The following PZP variants were observed in gnomAD, a reference collection of about 807,000 sequenced individuals.
PZP encodes the protein pregnancy zone protein.
Under a neutral mutation model 179.8 loss-of-function variants are expected in PZP, and 150 were observed. The observed-to-expected ratio is 0.83, with a 90% CI of 0.73 to 0.96. The LOEUF (loss-of-function observed/expected upper bound fraction) is 0.96. Ranked by LOEUF, PZP falls within the 40% of genes least tolerant of loss-of-function variation. The probability of loss-of-function intolerance (pLI) is 0.00; values close to 1 mark genes in which losing one functional copy is unlikely to be tolerated. For missense variants in PZP, 1,689 were observed against 1,764.0 expected (o/e 0.96, Z 0.76); for synonymous variants, 624 against 652.3 (o/e 0.96, Z 0.66).
chr12:9,139,583 T>C, the PZP span, among the ~76,000 whole-genome samples: 1 of 152,230 alleles, frequency 6.6e-6, no homozygotes, highest in Non-Finnish European at 1.5e-5. Flanking sequence ...GTTTTTCCAA[T>C]GTTTGCTTTA....
intron 24 of PZP, 73 bp from the exon 25 acceptor site, chr12:9,160,098 C>T (rs1013950558): frequency 4.3e-5 from 60 of 1,384,816 alleles, no homozygotes; most frequent in Admixed American, 1.8e-4. Flanking sequence ...TAGGCTCATG[C>T]ATCCAGGCGC....
intron 2 of PZP, 41 bp downstream of exon 2, chr12:9,203,727 T>G (rs764107279): frequency 9.3e-6 from 15 of 1,606,358 alleles, no homozygotes; most frequent in Admixed American, 8.4e-5. Flanking sequence ...CTCAATAAAA[T>G]GTATCAAGCA....
rs200071571 is a variant in PZP, at chr12:9,150,764, A to G, written c.4282-18T>C. The G allele has an allele frequency of 2.0e-6, 3 of 1,529,198 alleles. No individual in the cohort carries two copies. In the African/African-American group the frequency reaches 4.1e-5, roughly 21 times the overall value. The allele number at this position is 1,529,198 out of a possible 1,614,324, so 94.7% of individuals were successfully genotyped here. ...TTTGTCACCTGAAAGGAAAAGTGGG[A>G]GTAATCAAGAACCTAGAAAACCTCC... is the stretch of plus-strand genomic sequence containing the variant. On this transcript the variant is annotated intron_variant, in intron 33 of 35. Coordinates refer to ENST00000261336, the MANE Select transcript of PZP (RefSeq NM_002864.3).
intron 11 of PZP, 125 bp downstream of exon 11, chr12:9,193,952 T>G: frequency 1.0e-6 from 1 of 964,180 alleles, no homozygotes; most frequent in Non-Finnish European, 1.5e-6. Flanking sequence ...ATCCTCAAAT[T>G]TGTAAACTCA....
downstream of PZP, among the ~76,000 whole-genome samples, chr12:9,147,943 AT>A (rs1416648473): frequency 6.6e-6 from 1 of 151,746 alleles, no homozygotes; most frequent in African/African-American, 2.4e-5. Context: ...CCCACACTAC[AT>A]TTATCCCTGT....
chr12:9,160,085 G>C (rs895451714), intron 24 of PZP, 60 bp from the exon 25 acceptor site: 7 of 1,487,424 alleles, frequency 4.7e-6, no homozygotes, highest in Non-Finnish European at 6.5e-6. Context: ...CCATCCATAT[G>C]TTTAGGCTCA....
At position 9,148,998 on chromosome 12, in the gene PZP, T is replaced by C. The variant is rs1940158598; in HGVS notation, c.4427-4A>G. On this transcript the variant is annotated splice_region_variant and splice_polypyrimidine_tract_variant and intron_variant, in intron 35 of 35. Coordinates refer to ENST00000261336, the MANE Select transcript of PZP (RefSeq NM_002864.3). ...CAAACATTTCCATGCTCTGTATCTA[T>C]GGAGAAAAGAAAAACGTAAGGAGGT... 1 of 1,611,368 alleles carries C rather than the reference T, an allele frequency of 6.2e-7. No homozygotes were observed. Among genetic ancestry groups the C allele is most frequent in the African/African-American group, 1.3e-5 (1 of 74,960 alleles).
chr12:9,196,716 A>C (rs1391438219), intron 8 of PZP, 31 bp from the exon 9 acceptor site: 1 of 1,511,906 alleles, frequency 6.6e-7, no homozygotes, highest in African/African-American at 1.4e-5. Flanking sequence ...AATAAATGTC[A>C]AACTGATTGA....
chr12:9,197,579 G>A (rs1160132390), intron 7 of PZP, among the ~76,000 whole-genome samples: 4 of 94,660 alleles, frequency 4.2e-5, no homozygotes, highest in African/African-American at 1.7e-4. Context: ...TATAATATAT[G>A]ACATAATATA....
Position 9,153,245 on chromosome 12 carries a change from G to A in PZP, c.3873C>T (p.Thr1291=). ...TGTCTACTTGGAAATTTGTAGAAAAGGTCTGTGAATCCTGAACGGTGACCT... is the reference window on the plus strand; with the variant it reads ...TGTCTACTTGGAAATTTGTAGAAAAAGTCTGTGAATCCTGAACGGTGACCT... The part of the protein sequence containing the change: ...TAQVTVQDSQ[T]FSTNFQVDNN... Residue 1291 remains threonine (T), a synonymous_variant, in exon 30 of 36, where the codon ACC becomes ACT. Coordinates refer to ENST00000261336, the MANE Select transcript of PZP (RefSeq NM_002864.3). The A allele has an allele frequency of 6.2e-7, 1 of 1,614,178 alleles. No individual in the cohort carries two copies.
intron 7 of PZP, among the ~76,000 whole-genome samples, chr12:9,197,475 A>G (rs1943852081): frequency 7.7e-6 from 1 of 130,586 alleles, no homozygotes; most frequent in African/African-American, 3.0e-5. Context: ...TATAATATAT[A>G]ATAATATAAT....
chr12:9,176,740 C>T (rs1237788920), intron 15 of PZP, among the ~76,000 whole-genome samples: 2 of 152,172 alleles, frequency 1.3e-5, no homozygotes, highest in African/African-American at 4.8e-5. Flanking sequence ...ACGAGTAACT[C>T]CTGAGTGCCT....
At chr12:9,145,494 T>A (rs1309922591), downstream of PZP, among the ~76,000 whole-genome samples, 1 of 152,216 alleles carries the variant, frequency 6.6e-6, no homozygotes, top group Non-Finnish European at 1.5e-5. Context: ...AAAATTGATA[T>A]CTATTTTATG....
chr12:9,188,586 C>T lies in PZP; in HGVS notation c.1546+3607G>A, dbSNP rs916289012. Among the ~76,000 whole-genome samples the T allele has an allele frequency of 2.0e-5, 3 of 152,268 alleles. 1 individual carries two copies. The highest frequency in any genetic ancestry group is 6.5e-5 in the Admixed American group (1 of 15,296). On this transcript the variant is annotated intron_variant, in intron 13 of 35. Coordinates refer to ENST00000261336, the MANE Select transcript of PZP (RefSeq NM_002864.3). ...TAGGAAGAGAGGAAGTCAAACTATC[C>T]CTGTTTGCAGACGACATGATTTTAT...
At chr12:9,179,427 C>T (rs897194774) in intron 15 of PZP, among the ~76,000 whole-genome samples, 1 of 152,104 alleles carries the variant, frequency 6.6e-6, no homozygotes, top group Non-Finnish European at 1.5e-5. Context: ...TAAATCATCA[C>T]GACATGCCAA....
rs764490152 is a variant in PZP at position 9,182,125 on chromosome 12, A to C, written c.1547-8T>G. The C allele has an allele frequency of 1.2e-6, 1 of 852,714 alleles. No homozygotes were observed. Among genetic ancestry groups the C allele is most frequent in the South Asian group, 2.5e-5 (1 of 40,188 alleles). The allele number at this position is 852,714 out of a possible 1,614,324, so 52.8% of individuals were successfully genotyped here. A position where few individuals can be genotyped will look rare whatever the true frequency, so the allele number is the denominator to read the frequency against. On this transcript the variant is annotated splice_region_variant and splice_polypyrimidine_tract_variant and intron_variant, in intron 13 of 35. Coordinates refer to ENST00000261336, the MANE Select transcript of PZP (RefSeq NM_002864.3). ...AGGCAAAACTGCCTTTCACTGGAAC[A>C]TGGAGAGAGTGAGACAAAATGGTCA...
rs1226839484 is a variant in PZP, at chr12:9,170,292, G to C, written c.1840-701C>G. 6.6e-6 allele frequency among the ~76,000 whole-genome samples: 1 copy of C among 152,206 alleles called. No homozygotes were observed. Among genetic ancestry groups the C allele is most frequent in the Non-Finnish European group, 1.5e-5 (1 of 68,044 alleles). On this transcript the variant is annotated intron_variant, in intron 15 of 35. Coordinates refer to ENST00000261336, the MANE Select transcript of PZP (RefSeq NM_002864.3). This position sits in a 1 kb window ranked among gnomAD's most constrained non-coding sequence, Gnocchi z 4.6. ...GATCTCTGCAACCCATGGATCAGGAGATACCCTTGTGAGCCCATGCCACCA... is the reference window on the plus strand; with the variant it reads ...GATCTCTGCAACCCATGGATCAGGACATACCCTTGTGAGCCCATGCCACCA...
rs763356626 is a variant in PZP at position 9,150,759 on chromosome 12, G to C, written c.4282-13C>G. ...TCTGATTTGTCACCTGAAAGGAAAAGTGGGAGTAATCAAGAACCTAGAAAA... is the reference window on the plus strand; with the variant it reads ...TCTGATTTGTCACCTGAAAGGAAAACTGGGAGTAATCAAGAACCTAGAAAA... On this transcript the variant is annotated splice_polypyrimidine_tract_variant and intron_variant, in intron 33 of 35. Coordinates refer to ENST00000261336, the MANE Select transcript of PZP (RefSeq NM_002864.3). 1 of 1,564,150 alleles carries C rather than the reference G, an allele frequency of 6.4e-7. No homozygotes were observed. Among genetic ancestry groups the C allele is most frequent in the South Asian group, 1.1e-5 (1 of 89,624 alleles).
At chr12:9,202,467 T>C (rs1339303519) in intron 3 of PZP, 58 bp downstream of exon 3, 8 of 1,612,330 alleles carry the variant, frequency 5.0e-6, no homozygotes, top group Middle Eastern at 1.6e-4. Flanking sequence ...ATGGAGACTT[T>C]GGCTGTTCAG....
Sources: allele counts gnomAD v4.1 joint callset (sites outside exome capture counted in the v4.1 genomes callset), GRCh38; gene constraint gnomAD v4.1.1; non-coding constraint Gnocchi (gnomAD v3.1); transcripts MANE v1.5; gene names NCBI Gene and HGNC (gene_info 2026-07-23, HGNC 2026-07-21).